The following ANKDD1B variants were observed in gnomAD, a reference collection of about 807,000 sequenced individuals.
ANKDD1B encodes ankyrin repeat and death domain containing 1B, also known as ankyrin repeat and death domain-containing protein 1B.
In ANKDD1B, 57 loss-of-function variants were observed where a neutral mutation model predicts 59.7. The ratio of observed to expected loss-of-function variants is 0.95; its 90% CI spans 0.77 to 1.19. ANKDD1B has a LOEUF of 1.19. Ranked by LOEUF, ANKDD1B falls within the 50% of genes most tolerant of loss-of-function variation. The pLI is 0.00. For missense variants in ANKDD1B, 602 were observed against 641.9 expected (o/e 0.94, Z 0.67); for synonymous variants, 216 against 239.5 (o/e 0.90, Z 0.91).
intron 5 of ANKDD1B, among the ~76,000 whole-genome samples, chr5:75,630,476 G>T (rs904463910): frequency 4.6e-5 from 7 of 152,212 alleles, no homozygotes; most frequent in Admixed American, 3.9e-4. Flanking sequence ...TCCATGGAAA[G>T]GAAAGATGTT....
At chr5:75,613,858 G>A (rs1773639893) in intron 1 of ANKDD1B, among the ~76,000 whole-genome samples, 1 of 152,128 alleles carries the variant, frequency 6.6e-6, no homozygotes, top group South Asian at 2.1e-4. Context: ...TGGGTGTGGT[G>A]GCTCACACCT....
intron 12 of ANKDD1B, among the ~76,000 whole-genome samples, chr5:75,668,164 G>A (rs1349989723): frequency 6.6e-6 from 1 of 152,154 alleles, no homozygotes; most frequent in Non-Finnish European, 1.5e-5. Flanking sequence ...GGATAAGGGG[G>A]ATTTTAAAGT....
At chr5:75,635,283 G>A (rs1395376214) in intron 6 of ANKDD1B, 2 of 278,982 alleles carry the variant, frequency 7.2e-6, no homozygotes, top group African/African-American at 2.1e-5. Flanking sequence ...CTCCCATGAG[G>A]TCTCCTGGAG....
intron 7 of ANKDD1B, among the ~76,000 whole-genome samples, chr5:75,644,927 ACTCAGGATTAAGAAT>A (rs1319763983): frequency 1.4e-4 from 17 of 119,808 alleles, no homozygotes; most frequent in Non-Finnish European, 2.2e-4. Flanking sequence ...TCAAACTAGA[ACTCAGGATTAAGAAT>A]CTCACTCAAA....
intron 10 of ANKDD1B, among the ~76,000 whole-genome samples, chr5:75,661,294 G>A (rs1002214328): frequency 6.6e-6 from 1 of 151,010 alleles, no homozygotes; most frequent in Non-Finnish European, 1.5e-5. Flanking sequence ...CTACAGCGGG[G>A]GCTGAGGCAG....
In ANKDD1B at chr5:75,656,068, C is replaced by A. The variant is rs1468571232; in HGVS notation, c.937C>A (p.His313Asn). Residue 313 changes from histidine (H) to asparagine (N), a missense_variant, in exon 9 of 14, where the codon CAC becomes AAC. Physicochemically the swap from His to Asn is moderately conservative, Grantham distance 68. This residue lies in a region of ANKDD1B where 280 missense variants were observed against 319.8 expected (regional missense o/e 0.88). Coordinates refer to ENST00000601380, the MANE Select transcript of ANKDD1B (RefSeq NM_001276713.2). ...SPLHLVVINN[H>N]ITVVNSLLSA... ...TCTTCATTTAGTTGTTATCAACAAC[C>A]ACATCACGGTTGTAAACAGTTTATT... 2.0e-6 allele frequency: 3 copies of A among 1,525,972 alleles called. No individual in the cohort carries two copies. The highest frequency in any genetic ancestry group is 3.9e-5 in the Admixed American group (2 of 50,852). 94.5% of individuals were successfully genotyped at this position (1,525,972 alleles called of 1,614,324 possible). A position where few individuals can be genotyped will look rare whatever the true frequency, so the allele number is the denominator to read the frequency against.
intron 7 of ANKDD1B, 54 bp downstream of exon 7, chr5:75,635,936 G>A (rs965576626): frequency 4.3e-6 from 5 of 1,169,092 alleles, no homozygotes; most frequent in Admixed American, 2.1e-5. Flanking sequence ...AGGGTTGGAG[G>A]AATGGCTTTC....
chr5:75,669,140 G>A (rs1775398474), intron 12 of ANKDD1B, 112 bp from the exon 13 acceptor site: 1 of 1,107,112 alleles, frequency 9.0e-7, no homozygotes, highest in Non-Finnish European at 1.1e-6. Flanking sequence ...TTTTTTCGAA[G>A]AGGAACAGGC....
At chr5:75,618,436 T>C (rs1006522322) in intron 2 of ANKDD1B, among the ~76,000 whole-genome samples, 1 of 152,222 alleles carries the variant, frequency 6.6e-6, no homozygotes, top group Non-Finnish European at 1.5e-5. Flanking sequence ...TACTACAATC[T>C]GATATACTTT....
chr5:75,654,699 A>G (rs778702751), intron 8 of ANKDD1B, among the ~76,000 whole-genome samples: 27 of 152,248 alleles, frequency 1.8e-4, no homozygotes, highest in Non-Finnish European at 3.2e-4. Context: ...TAAATAAAAG[A>G]AACAGTTGGG....
intron 3 of ANKDD1B, among the ~76,000 whole-genome samples, chr5:75,622,287 A>T (rs1178717913): frequency 6.6e-6 from 1 of 152,258 alleles, no homozygotes; most frequent in African/African-American, 2.4e-5. Flanking sequence ...CAAGCTTGTT[A>T]GAAATGCAGG....
At chr5:75,641,716 A>G (rs988097014) in intron 7 of ANKDD1B, among the ~76,000 whole-genome samples, 4 of 152,254 alleles carry the variant, frequency 2.6e-5, no homozygotes, top group Non-Finnish European at 2.9e-5. Flanking sequence ...TAAATTCCCA[A>G]TCAAGAATAA....
At chr5:75,669,500 C>T (rs113597985) in intron 13 of ANKDD1B, 117 bp downstream of exon 13, 50 of 928,976 alleles carry the variant, frequency 5.4e-5, no homozygotes, top group African/African-American at 3.6e-4. Context: ...GTGGCTCACA[C>T]GGAGTATGGA....
Position 75,671,080 on chromosome 5 carries a change from C to T in ANKDD1B, c.*40C>T. ...TGTATTTACATGATTTTCCACTCAG[C>T]ATTCAGTTCTTTTAATGCCATAAAT... On this transcript the variant is annotated 3_prime_UTR_variant, in exon 14 of 14. Transcript: ENST00000601380. 9.9e-7 allele frequency: 1 copy of T among 1,014,748 alleles called. No homozygotes were observed. Among genetic ancestry groups the T allele is most frequent in the Non-Finnish European group, 1.3e-6 (1 of 789,618 alleles). 62.9% of individuals were successfully genotyped at this position (1,014,748 alleles called of 1,614,324 possible).
chr5:75,665,101 A>G (rs1301011984), intron 11 of ANKDD1B, among the ~76,000 whole-genome samples: 2 of 152,228 alleles, frequency 1.3e-5, no homozygotes, highest in African/African-American at 4.8e-5. Flanking sequence ...AGTGGTTCAG[A>G]GGCAAATGGG....
At position 75,653,132 on chromosome 5, in the gene ANKDD1B, T is replaced by C. The variant is rs577849272; in HGVS notation, c.799-10T>C. On this transcript the variant is annotated splice_polypyrimidine_tract_variant and intron_variant, in intron 7 of 13. Transcript: ENST00000601380. ...GAGTTCCTCCTTGCCCTCTCTATTGTCTCTTGCAGCTCAATATCAGTAGTT... is the reference window on the plus strand; with the variant it reads ...GAGTTCCTCCTTGCCCTCTCTATTGCCTCTTGCAGCTCAATATCAGTAGTT... 16 of 1,527,876 alleles carry C rather than the reference T, an allele frequency of 1.0e-5. No homozygotes were observed. In the African/African-American group the frequency reaches 2.1e-4, roughly 20 times the overall value. 94.6% of individuals were successfully genotyped at this position (1,527,876 alleles called of 1,614,324 possible). A position where few individuals can be genotyped will look rare whatever the true frequency, so the allele number is the denominator to read the frequency against.
rs199543400 is a variant in ANKDD1B, at chr5:75,643,513, T to A, written c.798+7631T>A. On this transcript the variant is annotated intron_variant, in intron 7 of 13. Coordinates refer to ENST00000601380, the MANE Select transcript of ANKDD1B (RefSeq NM_001276713.2). Reference sequence around the variant, plus strand: ...AGGGTATCAGCAATGGAAGATGAAATGAATGAAATGAAGCGAGAAGGGAAG... The same window carrying A: ...AGGGTATCAGCAATGGAAGATGAAAAGAATGAAATGAAGCGAGAAGGGAAG... Among the ~76,000 whole-genome samples, 175 of 26,238 alleles carry A rather than the reference T, an allele frequency of 6.7e-3. 40 individuals carry two copies. The highest frequency in any genetic ancestry group is 0.014 in the Admixed American group (30 of 2,156). 17.2% of individuals were successfully genotyped at this position (26,238 alleles called of 152,430 possible).
In ANKDD1B at chr5:75,631,086, A is replaced by C. The variant is rs557937252; in HGVS notation, c.601-3812A>C. Among the ~76,000 whole-genome samples the C allele has an allele frequency of 1.1e-3, 165 of 152,320 alleles. 1 individual carries two copies. The highest frequency in any genetic ancestry group is 2.0e-3 in the Non-Finnish European group (139 of 68,022). The stretch of plus-strand genomic sequence containing the variant: ...CAGGTAAGGCCTGGAAATGGACAGC[A>C]CAAAATGGGCTAAATGACAGGGTGT... On this transcript the variant is annotated intron_variant, in intron 5 of 13. Transcript: ENST00000601380.
chr5:75,619,662 C>T (rs1357002152), intron 2 of ANKDD1B, among the ~76,000 whole-genome samples: 1 of 152,152 alleles, frequency 6.6e-6, no homozygotes, highest in Admixed American at 6.5e-5. Context: ...ATATCACTTC[C>T]GAGCATAACT....
Sources: allele counts gnomAD v4.1 joint callset (sites outside exome capture counted in the v4.1 genomes callset), GRCh38; gene constraint gnomAD v4.1.1; regional missense constraint gnomAD v4.1.1; transcripts MANE v1.5; gene names NCBI Gene and HGNC (gene_info 2026-07-23, HGNC 2026-07-21).